The following ARG2 variants were observed in gnomAD, a reference collection of about 807,000 sequenced individuals.
ARG2 encodes arginase 2.
Under a neutral mutation model 39.4 loss-of-function variants are expected in ARG2, and 21 were observed. That is an observed-to-expected ratio of 0.53 (90% CI 0.38 to 0.77). The LOEUF (loss-of-function observed/expected upper bound fraction) is 0.77, where lower values mean the gene tolerates loss of function less well. Ranked by LOEUF, ARG2 falls within the 30% of genes least tolerant of loss-of-function variation. ARG2 has a pLI of 0.00. For synonymous variants in ARG2, 150 were observed against 156.7 expected (o/e 0.96, Z 0.32); for missense variants, 378 against 426.2 (o/e 0.89, Z 1.00).
intron 2 of ARG2, among the ~76,000 whole-genome samples, chr14:67,641,405 A>T (rs952945146): frequency 3.9e-5 from 6 of 152,198 alleles, no homozygotes; most frequent in South Asian, 2.1e-4. Context: ...CAGATGGCCT[A>T]GATTTGGATC....
chr14:67,626,642 T>C (rs928929824), intron 2 of ARG2, among the ~76,000 whole-genome samples: 1 of 152,222 alleles, frequency 6.6e-6, no homozygotes, highest in Non-Finnish European at 1.5e-5. Flanking sequence ...AGCTAACTTT[T>C]GTATTTTTAA....
chr14:67,625,275 C>T (rs1185593811), intron 2 of ARG2, among the ~76,000 whole-genome samples: 6 of 152,172 alleles, frequency 3.9e-5, no homozygotes, highest in South Asian at 2.1e-4. Flanking sequence ...TGGATTTTTG[C>T]GACCTTGGGT....
chr14:67,641,249 G>A (rs1405917272), intron 2 of ARG2, among the ~76,000 whole-genome samples: 1 of 152,160 alleles, frequency 6.6e-6, no homozygotes, highest in Non-Finnish European at 1.5e-5. Flanking sequence ...CACAAGTTTT[G>A]TGTTTAGACT....
chr14:67,649,152 G>C lies in ARG2; in HGVS notation c.859+969G>C, dbSNP rs572375568. Reference sequence around the variant, plus strand: ...CTTCCTAAAAACACCACTTAGAGCAGGGGTTAATAACCTCTAGCACTTATA... The same window carrying C: ...CTTCCTAAAAACACCACTTAGAGCACGGGTTAATAACCTCTAGCACTTATA... On this transcript the variant is annotated intron_variant, in intron 7 of 7. Transcript: ENST00000261783. 8 of 152,308 alleles carry C rather than the reference G, an allele frequency of 5.3e-5. No individual in the cohort carries two copies. The East Asian group carries it at 1.4e-3, about 26-fold the overall frequency. 9.4% of individuals were successfully genotyped at this position (152,308 alleles called of 1,614,324 possible).
At chr14:67,650,690 G>A in intron 7 of ARG2, 25 bp from the exon 8 acceptor site, 1 of 1,611,086 alleles carries the variant, frequency 6.2e-7, no homozygotes. Flanking sequence ...GGAACCTGAG[G>A]TTTTGTCACA....
intron 2 of ARG2, among the ~76,000 whole-genome samples, chr14:67,634,054 T>C (rs1895323849): frequency 6.6e-6 from 1 of 152,192 alleles, no homozygotes; most frequent in African/African-American, 2.4e-5. Flanking sequence ...TATTTCTGCA[T>C]TCCTAGGATT....
chr14:67,647,696 C>G (rs942421255), intron 6 of ARG2: 38 of 183,362 alleles, frequency 2.1e-4, no homozygotes, highest in African/African-American at 8.0e-4. Flanking sequence ...ATTAAATTGT[C>G]TCTAGATGAG....
intron 6 of ARG2, chr14:67,647,247 GA>G: frequency 2.3e-6 from 1 of 435,524 alleles, no homozygotes; most frequent in Non-Finnish European, 4.1e-6. Flanking sequence ...TCTGTCTCAT[GA>G]ATTTTTCTTT....
At chr14:67,633,115 C>A (rs943747797) in intron 2 of ARG2, among the ~76,000 whole-genome samples, 1 of 152,128 alleles carries the variant, frequency 6.6e-6, no homozygotes, top group African/African-American at 2.4e-5. Context: ...CCACTGCGCC[C>A]GGCCAAGCCT....
chr14:67,650,458 G>C (rs2037157883), intron 7 of ARG2: 1 of 481,710 alleles, frequency 2.1e-6, no homozygotes, highest in African/African-American at 1.9e-5. Context: ...AATTATGCCT[G>C]TTATGTTAGT....
At chr14:67,630,417 T>C (rs1337153365) in intron 2 of ARG2, among the ~76,000 whole-genome samples, 4 of 152,178 alleles carry the variant, frequency 2.6e-5, no homozygotes, top group African/African-American at 2.4e-5. Context: ...GGTTGTAGCC[T>C]CAGCAGCAGG....
At chr14:67,626,503 A>C (rs2036867492) in intron 2 of ARG2, among the ~76,000 whole-genome samples, 1 of 152,140 alleles carries the variant, frequency 6.6e-6, no homozygotes, top group African/African-American at 2.4e-5. Context: ...AACAGAATTC[A>C]AAACATATAT....
chr14:67,636,878 T>G (rs2036977292), intron 2 of ARG2, among the ~76,000 whole-genome samples: 2 of 152,196 alleles, frequency 1.3e-5, no homozygotes, highest in African/African-American at 2.4e-5. Flanking sequence ...AATGTCCTCT[T>G]AGAAGAAAGA....
intron 2 of ARG2, among the ~76,000 whole-genome samples, chr14:67,628,756 T>C (rs536824484): frequency 5.9e-5 from 9 of 152,292 alleles, no homozygotes; most frequent in South Asian, 4.1e-4. Context: ...TGTGGAGAAA[T>C]TGAAACTCTT....
At position 67,626,096 on chromosome 14, in the gene ARG2, A is replaced by C. The variant is rs142461381; in HGVS notation, c.184+5130A>C. ...GGTGAAACTCCGTCTCTACTAAAAA[A>C]TACAAAAATTAGCCGGATGTGGTGG... On this transcript the variant is annotated intron_variant, in intron 2 of 7. Coordinates refer to ENST00000261783, the MANE Select transcript of ARG2 (RefSeq NM_001172.4). Among the ~76,000 whole-genome samples the C allele has an allele frequency of 4.9e-3, 751 of 152,238 alleles. 36 individuals are homozygous for C. The East Asian group carries it at 0.083, about 17-fold the overall frequency.
At chr14:67,650,403 TC>T in intron 7 of ARG2, 1 of 333,968 alleles carries the variant, frequency 3.0e-6, no homozygotes, top group Admixed American at 4.5e-5. Flanking sequence ...GATGAAAACC[TC>T]CCCCACCCAA....
chr14:67,641,976 C>T (rs1184316024), intron 2 of ARG2, among the ~76,000 whole-genome samples: 4 of 152,054 alleles, frequency 2.6e-5, no homozygotes, highest in East Asian at 3.8e-4. Context: ...TTAAGTCAAT[C>T]GATATCTCTT....
chr14:67,626,915 C>T (rs1169594929), intron 2 of ARG2, among the ~76,000 whole-genome samples: 1 of 152,118 alleles, frequency 6.6e-6, no homozygotes, highest in African/African-American at 2.4e-5. Context: ...CTAATTTATG[C>T]TACAACATGG....
At chr14:67,622,941 A>G (rs1380826235) in intron 2 of ARG2, among the ~76,000 whole-genome samples, 2 of 152,172 alleles carry the variant, frequency 1.3e-5, no homozygotes, top group East Asian at 3.9e-4. Context: ...CTTTCCTGTC[A>G]CAGCTCTTGG....
Sources: gnomAD v4.1 joint callset for allele counts (sites outside exome capture counted in the v4.1 genomes callset) on GRCh38, gnomAD v4.1.1 for gene constraint, MANE v1.5 for transcripts, NCBI Gene and HGNC (gene_info 2026-07-23, HGNC 2026-07-21) for gene names.